WWOX: variants seen among roughly 807,000 people sequenced by gnomAD.
WWOX encodes WW domain containing oxidoreductase, also known as WW domain-containing oxidoreductase.
A neutral mutation model predicts 46.2 loss-of-function variants in WWOX; 69 were observed. That is an observed-to-expected ratio of 1.49 (90% CI 1.23 to 1.82). The LOEUF is 1.82. Ranked by LOEUF, WWOX falls within the 40% of genes most tolerant of loss-of-function variation. WWOX has a pLI of 0.00. For synonymous variants in WWOX, 359 were observed against 202.6 expected, an observed-to-expected ratio of 1.77 and a Z score of -6.56; for missense variants, 919 against 542.6, an observed-to-expected ratio of 1.69 and a Z score of -6.89.
chr16:79,143,241 T>G (rs2050123755), intron 8 of WWOX, among the ~76,000 whole-genome samples: 1 of 152,220 alleles, frequency 6.6e-6, no homozygotes, highest in African/African-American at 2.4e-5. Flanking sequence ...CCCTCCTGGA[T>G]GAAGTCTTTC....
chr16:78,786,762 G>A (rs1276456677), intron 8 of WWOX, among the ~76,000 whole-genome samples: 1 of 152,162 alleles, frequency 6.6e-6, no homozygotes, highest in Non-Finnish European at 1.5e-5. Flanking sequence ...AAGACAGCAG[G>A]CAGTTACACA....
intron 8 of WWOX, among the ~76,000 whole-genome samples, chr16:78,468,863 C>G (rs2084151238): frequency 6.6e-6 from 1 of 152,168 alleles, no homozygotes; most frequent in Admixed American, 6.5e-5. Flanking sequence ...GTGGGTCTTT[C>G]TTTGGGGGAA....
chr16:78,725,708 T>C (rs1029364468), intron 8 of WWOX, among the ~76,000 whole-genome samples: 3 of 152,052 alleles, frequency 2.0e-5, no homozygotes, highest in African/African-American at 7.2e-5. Flanking sequence ...ATCTCACAGT[T>C]CTGAAAGTGA....
intron 8 of WWOX, among the ~76,000 whole-genome samples, chr16:79,161,185 A>G (rs778722546): frequency 2.0e-5 from 3 of 152,246 alleles, no homozygotes; most frequent in Non-Finnish European, 2.9e-5. Flanking sequence ...ACAAGTACCA[A>G]TATATTTGGT....
In WWOX at chr16:78,575,093, A is replaced by G. The variant is rs1353319099; in HGVS notation, c.1056+142341A>G. Reference sequence around the variant, plus strand: ...TATATATATATATATATATATATATATATTTAAAGCTGTCATGGAAAGCCT... The same window carrying G: ...TATATATATATATATATATATATATGTATTTAAAGCTGTCATGGAAAGCCT... On this transcript the variant is annotated intron_variant, in intron 8 of 8. Transcript: ENST00000566780. Among the ~76,000 whole-genome samples, 77 of 56,788 alleles carry G rather than the reference A, an allele frequency of 1.4e-3. 1 individual carries two copies. Among genetic ancestry groups the G allele is most frequent in the Non-Finnish European group, 2.2e-3 (62 of 28,478 alleles). The allele number at this position is 56,788 out of a possible 152,430, so 37.3% of individuals were successfully genotyped here.
intron 5 of WWOX, among the ~76,000 whole-genome samples, chr16:78,258,059 A>G (rs2038178982): frequency 6.6e-6 from 1 of 152,200 alleles, no homozygotes; most frequent in African/African-American, 2.4e-5. Context: ...ATTGTGTGAC[A>G]ATTATGACTT....
chr16:78,691,380 C>G, intron 8 of WWOX: 1 of 680,166 alleles, frequency 1.5e-6, no homozygotes, highest in Non-Finnish European at 2.7e-6. Context: ...AGGAAATCTC[C>G]TAAGTTGGCC....
intron 1 of WWOX, among the ~76,000 whole-genome samples, chr16:78,100,428 G>A (rs1380302285): frequency 6.6e-6 from 1 of 152,146 alleles, no homozygotes; most frequent in Non-Finnish European, 1.5e-5. Context: ...AATTTTTTAA[G>A]TATTTGTAGA....
chr16:79,165,345 C>A (rs567312849), intron 8 of WWOX, among the ~76,000 whole-genome samples: 1 of 152,190 alleles, frequency 6.6e-6, no homozygotes, highest in East Asian at 1.9e-4. Flanking sequence ...CTGTTTGAAG[C>A]AGGTGTCGTG....
At chr16:78,765,006 G>C (rs1308622748) in intron 8 of WWOX, among the ~76,000 whole-genome samples, 1 of 152,194 alleles carries the variant, frequency 6.6e-6, no homozygotes, top group African/African-American at 2.4e-5. Flanking sequence ...AGGGATGCAG[G>C]AAGGAACAGG....
chr16:78,759,017 T>C (rs559902333), intron 8 of WWOX, among the ~76,000 whole-genome samples: 2 of 152,132 alleles, frequency 1.3e-5, no homozygotes, highest in African/African-American at 4.8e-5. Flanking sequence ...GCTCCTGATG[T>C]CTAGCAGGAA....
At chr16:78,419,628 A>AGG (rs2082877162) in intron 6 of WWOX, among the ~76,000 whole-genome samples, 1 of 112,788 alleles carries the variant, frequency 8.9e-6, no homozygotes, top group Non-Finnish European at 1.7e-5. Context: ...AAAATAGCAA[A>AGG]AAAAAAAAAA....
chr16:78,201,541 A>C (rs1434078292), intron 5 of WWOX, among the ~76,000 whole-genome samples: 1 of 152,190 alleles, frequency 6.6e-6, no homozygotes, highest in African/African-American at 2.4e-5. Flanking sequence ...AAAACAATTT[A>C]GTCCCTTCTG....
At chr16:78,379,255 A>G (rs1016127031) in intron 5 of WWOX, among the ~76,000 whole-genome samples, 12 of 152,294 alleles carry the variant, frequency 7.9e-5, no homozygotes, top group African/African-American at 2.9e-4. Context: ...TGTGTAAGGG[A>G]GGGGTAGATA....
intron 5 of WWOX, among the ~76,000 whole-genome samples, chr16:78,377,332 T>G (rs948058822): frequency 6.6e-6 from 1 of 152,236 alleles, no homozygotes; most frequent in African/African-American, 2.4e-5. Context: ...GAAGGATTCT[T>G]TATCATATGA....
intron 8 of WWOX, chr16:78,891,111 T>A (rs754692589): frequency 3.3e-5 from 5 of 152,200 alleles, no homozygotes; most frequent in African/African-American, 4.8e-5. Flanking sequence ...ATTCAGATAA[T>A]TTTTCTCAAA....
chr16:78,915,934 C>T (rs1226030022), intron 8 of WWOX, among the ~76,000 whole-genome samples: 1 of 152,144 alleles, frequency 6.6e-6, no homozygotes, highest in Non-Finnish European at 1.5e-5. Flanking sequence ...CAAAACACCC[C>T]AAGCTCAATC....
chr16:79,144,553 T>G (rs1333900577), intron 8 of WWOX, among the ~76,000 whole-genome samples: 1 of 152,202 alleles, frequency 6.6e-6, no homozygotes, highest in Non-Finnish European at 1.5e-5. Flanking sequence ...TAACATGATT[T>G]AAGCACTAAG....
At chr16:78,875,416 C>G (rs1011516683) in intron 8 of WWOX, among the ~76,000 whole-genome samples, 4 of 152,078 alleles carry the variant, frequency 2.6e-5, no homozygotes, top group African/African-American at 7.2e-5. Flanking sequence ...CTCTAATTCT[C>G]GAGTGTCTGA....
Sources: gnomAD v4.1 joint callset for allele counts (sites outside exome capture counted in the v4.1 genomes callset) on GRCh38, gnomAD v4.1.1 for gene constraint, MANE v1.5 for transcripts, NCBI Gene and HGNC (gene_info 2026-07-23, HGNC 2026-07-21) for gene names.